Variants in GVQW3 observed in about 807,000 individuals in gnomAD.
GVQW3 encodes protein GVQW3.
GVQW3 carries 7 observed loss-of-function variants against 12.5 expected under a neutral mutation model. The ratio of observed to expected loss-of-function variants is 0.56; its 90% CI spans 0.32 to 1.05. The LOEUF (loss-of-function observed/expected upper bound fraction) is 1.05. Among genes scored for constraint, GVQW3 ranks in the 50% least tolerant of loss-of-function variants. The pLI is 0.04. For synonymous variants in GVQW3, 71 were observed against 67.2 expected (o/e 1.06, Z -0.28); for missense variants, 188 against 190.8 (o/e 0.99, Z 0.09).
chr11:76,409,075 A>G (rs534571121), downstream of GVQW3, among the ~76,000 whole-genome samples: 3 of 152,320 alleles, frequency 2.0e-5, no homozygotes, highest in Admixed American at 6.5e-5. Context: ...TTTACGAAAG[A>G]AAATTCAGTG....
intron 1 of GVQW3, among the ~76,000 whole-genome samples, chr11:76,402,421 T>C (rs1946998726): frequency 1.3e-5 from 2 of 151,664 alleles, no homozygotes; most frequent in South Asian, 4.2e-4. Context: ...GGTGTGGTGG[T>C]GCGTGCCTGT....
Position 76,389,346 on chromosome 11 carries a change from TA to T in GVQW3, c.465+7058del, listed in dbSNP as rs1382242944. On this transcript the variant is annotated intron_variant, in intron 1 of 1. Transcript: ENST00000529331. ...AGTATATTACTACTTATATTATCAG[TA>T]AAAATCAATAGCATCTAGAGCTGGC... Among the ~76,000 whole-genome samples the T allele has an allele frequency of 2.2e-4, 33 of 152,212 alleles. 1 individual carries two copies. The highest frequency in any genetic ancestry group is 4.8e-5 in the African/African-American group (2 of 41,444).
intron 1 of GVQW3, among the ~76,000 whole-genome samples, chr11:76,388,993 T>A (rs1946864831): frequency 6.6e-6 from 1 of 152,212 alleles, no homozygotes; most frequent in South Asian, 2.1e-4. Flanking sequence ...GATCCTCCAA[T>A]TCCACTTCTG....
At chr11:76,394,935 A>C (rs867217503) in intron 1 of GVQW3, 1 of 152,226 alleles carries the variant, frequency 6.6e-6, no homozygotes, top group Admixed American at 6.5e-5. Flanking sequence ...TCTGATGTCA[A>C]GAAAACTGTA....
In GVQW3 at chr11:76,402,948, A is replaced by G. The variant is rs190905424; in HGVS notation, c.466-712A>G. 2.6e-3 allele frequency among the ~76,000 whole-genome samples: 383 copies of G among 144,846 alleles called. 1 individual carries two copies. The highest frequency in any genetic ancestry group is 9.0e-3 in the African/African-American group (366 of 40,814). On this transcript the variant is annotated intron_variant, in intron 1 of 1. Transcript: ENST00000529331. The stretch of plus-strand genomic sequence containing the variant: ...CATTTATTAATTTGTTTGTTTGTTT[A>G]TTTATTTATTTATTTTTGAGACAGA...
chr11:76,381,765 G>C lies in GVQW3; in HGVS notation c.-64G>C. 7.2e-7 allele frequency: 1 copy of C among 1,397,870 alleles called. No homozygotes were observed. Among genetic ancestry groups the C allele is most frequent in the Non-Finnish European group, 9.4e-7 (1 of 1,058,600 alleles). 86.6% of individuals were successfully genotyped at this position (1,397,870 alleles called of 1,614,324 possible). A position where few individuals can be genotyped will look rare whatever the true frequency, so the allele number is the denominator to read the frequency against. On this transcript the variant is annotated 5_prime_UTR_variant, in exon 1 of 2. Coordinates refer to ENST00000529331, the MANE Select transcript of GVQW3 (RefSeq NM_001347885.2). ...TTACACCTGCAGCCCTATAAAGATT[G>C]ATCTGTCCGTCTTTCCCTTACAGTC...
At chr11:76,387,656 C>T (rs1171757983) in intron 1 of GVQW3, among the ~76,000 whole-genome samples, 1 of 152,108 alleles carries the variant, frequency 6.6e-6, no homozygotes, top group Non-Finnish European at 1.5e-5. Flanking sequence ...CACGATGGCT[C>T]ATGTCTGTAA....
chr11:76,397,415 A>C (rs1187590535), intron 1 of GVQW3, among the ~76,000 whole-genome samples: 2 of 152,228 alleles, frequency 1.3e-5, no homozygotes, highest in Non-Finnish European at 2.9e-5. Flanking sequence ...TATTATGCAG[A>C]ATACTGCTAT....
chr11:76,384,237 C>T (rs1203487622), intron 1 of GVQW3, among the ~76,000 whole-genome samples: 1 of 152,252 alleles, frequency 6.6e-6, no homozygotes, highest in Non-Finnish European at 1.5e-5. Context: ...GCACAACACT[C>T]ATTCATCACA....
intron 1 of GVQW3, among the ~76,000 whole-genome samples, chr11:76,400,589 T>C (rs1946980757): frequency 6.6e-6 from 1 of 151,796 alleles, no homozygotes; most frequent in Non-Finnish European, 1.5e-5. Flanking sequence ...CCTGGCTAAT[T>C]TTTGTATTTT....
Position 76,407,639 on chromosome 11 carries a change from C to T in GVQW3, c.*3881C>T, listed in dbSNP as rs868259364. On this transcript the variant is annotated 3_prime_UTR_variant, in exon 2 of 2. Transcript: ENST00000529331. ...CAGTTGACCTAGGAATCTTCTAGGA[C>T]GATTTCTTAGGAATCTTTCTTAGGA... 7 of 146,396 alleles carry T rather than the reference C, an allele frequency of 4.8e-5. No homozygotes were observed. The highest frequency in any genetic ancestry group is 3.6e-3 in the Middle Eastern group (1 of 276). 9.1% of individuals were successfully genotyped at this position (146,396 alleles called of 1,614,324 possible).
At position 76,397,006 on chromosome 11, in the gene GVQW3, T is replaced by TTTC. The variant is rs1360333830; in HGVS notation, c.466-6652_466-6651insCTT. On this transcript the variant is annotated intron_variant, in intron 1 of 1. Coordinates refer to ENST00000529331, the MANE Select transcript of GVQW3 (RefSeq NM_001347885.2). ...GCATGGGTCAGTCATTTATTCCTTT[T>TTTC]TTTTTTTTTTTTTTTTGAGATGGAG... Among the ~76,000 whole-genome samples, 6 of 146,680 alleles carry TTTC rather than the reference T, an allele frequency of 4.1e-5. No homozygotes were observed. In the East Asian group the frequency reaches 7.9e-4, roughly 19 times the overall value.
chr11:76,394,237 C>G (rs1312033482), intron 1 of GVQW3, among the ~76,000 whole-genome samples: 1 of 152,150 alleles, frequency 6.6e-6, no homozygotes, highest in African/African-American at 2.4e-5. Flanking sequence ...ATTATTATGA[C>G]TACAGTCACC....
At chr11:76,384,904 C>A (rs1179952753) in intron 1 of GVQW3, among the ~76,000 whole-genome samples, 1 of 152,222 alleles carries the variant, frequency 6.6e-6, no homozygotes, top group African/African-American at 2.4e-5. Flanking sequence ...CTTGCTAAGG[C>A]CTACCCAGTG....
At chr11:76,398,812 C>T (rs1374663095) in intron 1 of GVQW3, among the ~76,000 whole-genome samples, 1 of 152,206 alleles carries the variant, frequency 6.6e-6, no homozygotes. Context: ...AAAATACTTT[C>T]AGCAGGTTTC....
chr11:76,402,552 CAA>C (rs201157273), intron 1 of GVQW3, among the ~76,000 whole-genome samples: 4 of 127,818 alleles, frequency 3.1e-5, no homozygotes, highest in Non-Finnish European at 5.0e-5. Flanking sequence ...GACTCTGTCT[CAA>C]AAAAAAAAAA....
downstream of GVQW3, among the ~76,000 whole-genome samples, chr11:76,410,190 G>T (rs545764747): frequency 5.8e-4 from 89 of 152,332 alleles, no homozygotes; most frequent in African/African-American, 2.0e-3. Flanking sequence ...AGGAAATGGA[G>T]GCTGCAGTAA....
At chr11:76,383,778 A>C (rs2851481) in intron 1 of GVQW3, 103,240 of 135,764 alleles carry the variant, frequency 0.76, 35,631 homozygotes, top group East Asian at 0.83. Flanking sequence ...ACTCTGTCCC[A>C]AAAAAAAAAA....
chr11:76,381,933 T>C lies in GVQW3; in HGVS notation c.105T>C (p.Asp35=). The C allele has an allele frequency of 6.5e-7, 1 of 1,536,396 alleles. No individual in the cohort carries two copies. Among genetic ancestry groups the C allele is most frequent in the Non-Finnish European group, 8.7e-7 (1 of 1,146,980 alleles). Residue 35 remains aspartate, a synonymous_variant, in exon 1 of 2, where the codon GAT becomes GAC. Coordinates refer to ENST00000529331, the MANE Select transcript of GVQW3 (RefSeq NM_001347885.2). ...ATCTTTTAAAAGAAGCTTATGGGGA[T>C]GAAGTCATGTCAAGGGCCAGAGTTT... ...THHLLKEAYG[D]EVMSRARVFD...
Sources: allele counts gnomAD v4.1 joint callset (sites outside exome capture counted in the v4.1 genomes callset), GRCh38; gene constraint gnomAD v4.1.1; transcripts MANE v1.5; gene names NCBI Gene and HGNC (gene_info 2026-07-23, HGNC 2026-07-21).